The following FHIT variants were observed in gnomAD, a reference collection of about 807,000 sequenced individuals.
FHIT encodes fragile histidine triad diadenosine triphosphatase, also known as bis(5'-adenosyl)-triphosphatase.
In FHIT, 19 loss-of-function variants were observed where a neutral mutation model predicts 17.9. That is an observed-to-expected ratio of 1.06 (90% CI 0.74 to 1.56). FHIT has a LOEUF of 1.56. FHIT is among the 40% of genes most tolerant of loss of function. FHIT has a pLI of 0.00. For missense variants in FHIT, 248 were observed against 189.2 expected (o/e 1.31, Z -1.82); for synonymous variants, 81 against 69.7 (o/e 1.16, Z -0.81).
rs2036006492 is a variant in FHIT, at chr3:60,536,954, G to C, written c.9C>G (p.Phe3Leu). 6.2e-7 allele frequency: 1 copy of C among 1,610,400 alleles called. No homozygotes were observed. Among genetic ancestry groups the C allele is most frequent in the African/African-American group, 1.3e-5 (1 of 74,868 alleles). MS[F>L]RFGQHLIKPS... ...GCTTGATGAGATGTTGGCCAAATCT[G>C]AACGACATGTCCTCACAGTTGAAGT... The change falls in exon 5 of 10, where the codon TTC (phenylalanine) becomes TTG (leucine). Residue 3 changes from phenylalanine (F) to leucine (L), a missense_variant. Coordinates refer to ENST00000492590, the MANE Select transcript of FHIT (RefSeq NM_002012.4).
At chr3:60,822,384 A>G (rs2106773531) in intron 3 of FHIT, among the ~76,000 whole-genome samples, 1 of 152,228 alleles carries the variant, frequency 6.6e-6, no homozygotes, top group East Asian at 1.9e-4. Flanking sequence ...CTGACCCGTG[A>G]GTCTGGTGGG....
chr3:61,189,254 C>T (rs568451418), intron 2 of FHIT, among the ~76,000 whole-genome samples: 78 of 152,190 alleles, frequency 5.1e-4, no homozygotes, highest in African/African-American at 1.4e-3. Context: ...ACAAAATCAA[C>T]GTGCAAAAAT....
chr3:60,211,956 A>G (rs769806727), intron 5 of FHIT, among the ~76,000 whole-genome samples: 3 of 152,176 alleles, frequency 2.0e-5, no homozygotes, highest in African/African-American at 7.2e-5. Context: ...ACACACGTAA[A>G]CTTATTTGGA....
Position 59,748,090 on chromosome 3 carries a change from T to C in FHIT, c.*1495A>G, listed in dbSNP as rs1170675647. Among the ~76,000 whole-genome samples the C allele has an allele frequency of 6.6e-6, 1 of 152,160 alleles. No homozygotes were observed. The highest frequency in any genetic ancestry group is 2.4e-5 in the African/African-American group (1 of 41,446). ...CACAGAGACTGAATCTCACTCCTAG[T>C]TGCTAAGGCAAGCAACTATGCAGAG... On this transcript the variant is annotated 3_prime_UTR_variant, in exon 10 of 10. Transcript: ENST00000492590.
intron 5 of FHIT, among the ~76,000 whole-genome samples, chr3:60,274,920 T>C (rs1707049592): frequency 6.6e-6 from 1 of 152,182 alleles, no homozygotes; most frequent in African/African-American, 2.4e-5. Flanking sequence ...AAAAATTCTA[T>C]TTTAATTTTC....
At chr3:60,135,080 G>T (rs1699760093) in intron 5 of FHIT, among the ~76,000 whole-genome samples, 1 of 152,110 alleles carries the variant, frequency 6.6e-6, no homozygotes, top group African/African-American at 2.4e-5. Context: ...AATAAAAAGG[G>T]CAAAGTCAGA....
intron 3 of FHIT, among the ~76,000 whole-genome samples, chr3:60,871,660 G>C (rs1270026230): frequency 1.3e-5 from 2 of 152,004 alleles, no homozygotes; most frequent in Non-Finnish European, 2.9e-5. Context: ...CTGAAATGGA[G>C]TCTTGCTCTG....
At chr3:60,712,974 A>G (rs2041579912) in intron 4 of FHIT, among the ~76,000 whole-genome samples, 1 of 150,808 alleles carries the variant, frequency 6.6e-6, no homozygotes, top group South Asian at 2.1e-4. Flanking sequence ...CAGAATATAC[A>G]TTCTTTTCAG....
chr3:60,277,401 G>A (rs1437805873), intron 5 of FHIT, among the ~76,000 whole-genome samples: 3 of 152,148 alleles, frequency 2.0e-5, no homozygotes, highest in Non-Finnish European at 2.9e-5. Context: ...CAAGCAAGCT[G>A]GAAGCTTGCA....
intron 3 of FHIT, among the ~76,000 whole-genome samples, chr3:60,891,358 T>C (rs993258977): frequency 1.3e-5 from 2 of 152,028 alleles, no homozygotes; most frequent in Non-Finnish European, 2.9e-5. Context: ...CCAGATCAGG[T>C]TGATCACCCT....
rs1353039918 is a variant in FHIT, at chr3:61,190,478, T to C, written c.-164+10139A>G. 2.6e-5 allele frequency among the ~76,000 whole-genome samples: 4 copies of C among 152,194 alleles called. No homozygotes were observed. In the East Asian group the frequency reaches 5.8e-4, roughly 22 times the overall value. The stretch of plus-strand genomic sequence containing the variant: ...AGAAATAGGAACACTGTTACACTGT[T>C]GGTGGGACTGTAAACTAGTTCAACC... On this transcript the variant is annotated intron_variant, in intron 2 of 9. Transcript: ENST00000492590.
chr3:61,057,880 G>A (rs1252563483), intron 2 of FHIT, among the ~76,000 whole-genome samples: 2 of 152,110 alleles, frequency 1.3e-5, no homozygotes, highest in East Asian at 1.9e-4. Flanking sequence ...GAGCTAAGAC[G>A]ACTATCTGAA....
At chr3:60,458,810 G>C (rs577451194) in intron 5 of FHIT, among the ~76,000 whole-genome samples, 3 of 152,204 alleles carry the variant, frequency 2.0e-5, no homozygotes, top group South Asian at 4.2e-4. Flanking sequence ...GTCTCACTCT[G>C]TCGCCCAGGC....
At chr3:61,242,034 C>T (rs965418917) in intron 1 of FHIT, among the ~76,000 whole-genome samples, 2 of 152,074 alleles carry the variant, frequency 1.3e-5, no homozygotes, top group African/African-American at 4.8e-5. Flanking sequence ...TCAGGAAATG[C>T]TGAAAAATGA....
At chr3:61,097,780 G>T (rs2106836565) in intron 2 of FHIT, among the ~76,000 whole-genome samples, 1 of 151,946 alleles carries the variant, frequency 6.6e-6, no homozygotes, top group Admixed American at 6.6e-5. Flanking sequence ...CATGTCCTTT[G>T]CCCACTTTTT....
chr3:61,193,843 C>T (rs567038097), intron 2 of FHIT, among the ~76,000 whole-genome samples: 72 of 152,194 alleles, frequency 4.7e-4, no homozygotes, highest in Admixed American at 3.1e-3. Flanking sequence ...ATTCCTATAA[C>T]AAAAGACAGG....
intron 1 of FHIT, among the ~76,000 whole-genome samples, chr3:61,211,225 G>A (rs2039459317): frequency 6.6e-6 from 1 of 151,980 alleles, no homozygotes. Context: ...GGAAGTGCAA[G>A]GGGTCAGAGA....
At chr3:60,401,049 G>T (rs17062981) in intron 5 of FHIT, among the ~76,000 whole-genome samples, 99 of 152,016 alleles carry the variant, frequency 6.5e-4, no homozygotes, top group African/African-American at 2.2e-3. Context: ...TCATTGATAC[G>T]GCTGGCCTGC....
chr3:60,519,834 T>C (rs1016324071), intron 5 of FHIT, among the ~76,000 whole-genome samples: 1 of 152,146 alleles, frequency 6.6e-6, no homozygotes, highest in African/African-American at 2.4e-5. Context: ...GTTTATGGTA[T>C]GCATCACACA....
Sources: allele counts gnomAD v4.1 joint callset (sites outside exome capture counted in the v4.1 genomes callset), GRCh38; gene constraint gnomAD v4.1.1; transcripts MANE v1.5; gene names NCBI Gene and HGNC (gene_info 2026-07-23, HGNC 2026-07-21).